Variants in CDH13 observed in about 807,000 individuals in gnomAD.
CDH13 encodes the protein cadherin-13.
Under a neutral mutation model 63.8 loss-of-function variants are expected in CDH13, and 24 were observed. That is an observed-to-expected ratio of 0.38 (90% CI 0.27 to 0.53). The LOEUF (loss-of-function observed/expected upper bound fraction) is 0.53, where lower values mean the gene tolerates loss of function less well. Ranked by LOEUF, CDH13 falls within the 20% of genes least tolerant of loss-of-function variation. CDH13 has a pLI of 0.85. For missense variants in CDH13, 1,049 were observed against 903.1 expected (o/e 1.16, Z -2.07); for synonymous variants, 503 against 355.3 (o/e 1.42, Z -4.67).
chr16:82,933,239 G>A (rs2042556013), intron 2 of CDH13, among the ~76,000 whole-genome samples: 1 of 152,150 alleles, frequency 6.6e-6, no homozygotes, highest in Non-Finnish European at 1.5e-5. Flanking sequence ...CCTCAGGAAA[G>A]TTACAGTATG....
At chr16:83,345,293 C>G (rs2090816690) in intron 6 of CDH13, among the ~76,000 whole-genome samples, 1 of 152,198 alleles carries the variant, frequency 6.6e-6, no homozygotes, top group African/African-American at 2.4e-5. Context: ...ATGTAAATAT[C>G]CAGCTTACCT....
At chr16:83,484,499 A>G (rs1411045594) in intron 6 of CDH13, among the ~76,000 whole-genome samples, 1 of 152,260 alleles carries the variant, frequency 6.6e-6, no homozygotes, top group African/African-American at 2.4e-5. Context: ...TGCTATTGTC[A>G]ATCATCAAAA....
chr16:83,092,185 A>G (rs72796301), intron 3 of CDH13, among the ~76,000 whole-genome samples: 7,546 of 152,304 alleles, frequency 0.05, 272 homozygotes, highest in Non-Finnish European at 0.072. Flanking sequence ...TTAGACTCAG[A>G]AAATTTCAAA....
intron 7 of CDH13, among the ~76,000 whole-genome samples, chr16:83,511,101 CATGCACGCATGCACACACATGCACAT>C (rs1332389263): frequency 3.8e-5 from 4 of 104,354 alleles, no homozygotes; most frequent in South Asian, 3.2e-4. Flanking sequence ...CACATGCACA[CATGCACGCATGCACACACATGCACAT>C]GTGCACACAT....
At chr16:83,459,876 G>T (rs1162320316) in intron 6 of CDH13, among the ~76,000 whole-genome samples, 1 of 152,194 alleles carries the variant, frequency 6.6e-6, no homozygotes, top group Non-Finnish European at 1.5e-5. Context: ...TGGTAGAAAA[G>T]AGGAATGCCC....
At chr16:82,731,829 C>T (rs1365615630) in intron 1 of CDH13, among the ~76,000 whole-genome samples, 1 of 152,184 alleles carries the variant, frequency 6.6e-6, no homozygotes, top group African/African-American at 2.4e-5. Context: ...ACATAATCAA[C>T]ATATATGTGC....
At chr16:83,588,933 A>AG (rs774635900) in intron 7 of CDH13, among the ~76,000 whole-genome samples, 13 of 152,064 alleles carry the variant, frequency 8.5e-5, no homozygotes, top group Non-Finnish European at 1.5e-4. Context: ...CTCAGCGGTC[A>AG]CCCCCCAGAG....
chr16:82,920,043 G>A (rs187135777), intron 2 of CDH13, among the ~76,000 whole-genome samples: 1 of 152,308 alleles, frequency 6.6e-6, no homozygotes, highest in Admixed American at 6.5e-5. Context: ...CAGGGCCTTT[G>A]CTACTGCAAG....
chr16:82,714,771 G>A (rs2151012450), intron 1 of CDH13, among the ~76,000 whole-genome samples: 1 of 136,176 alleles, frequency 7.3e-6, no homozygotes, highest in East Asian at 2.3e-4. Context: ...CTTGTGTGAT[G>A]ATGGAGGCAA....
intron 11 of CDH13, among the ~76,000 whole-genome samples, chr16:83,768,162 A>G (rs1351299840): frequency 7.2e-5 from 11 of 152,182 alleles, no homozygotes; most frequent in Admixed American, 7.2e-4. Context: ...ATTTTTCTCT[A>G]ATCATATGTA....
chr16:83,663,465 T>C (rs542170693), intron 8 of CDH13, among the ~76,000 whole-genome samples: 4 of 152,350 alleles, frequency 2.6e-5, no homozygotes, highest in South Asian at 2.1e-4. Flanking sequence ...GAAGAACTGG[T>C]TACTATTCTC....
At chr16:83,093,401 C>T (rs995137454) in intron 3 of CDH13, among the ~76,000 whole-genome samples, 2 of 147,532 alleles carry the variant, frequency 1.4e-5, no homozygotes, top group African/African-American at 2.5e-5. Context: ...TGACTGCAAC[C>T]TCCACCTCCC....
intron 8 of CDH13, among the ~76,000 whole-genome samples, chr16:83,659,536 C>G (rs1226729799): frequency 1.3e-5 from 2 of 152,258 alleles, no homozygotes; most frequent in East Asian, 3.8e-4. Context: ...CTTGGCTGTT[C>G]ATTAGAATCA....
intron 2 of CDH13, among the ~76,000 whole-genome samples, chr16:82,998,620 G>T (rs1408633204): frequency 6.6e-6 from 1 of 152,022 alleles, no homozygotes; most frequent in African/African-American, 2.4e-5. Flanking sequence ...TTCCAATTTA[G>T]ATCCTTCTCT....
intron 6 of CDH13, among the ~76,000 whole-genome samples, chr16:83,453,540 A>G (rs983292502): frequency 1.3e-5 from 2 of 152,170 alleles, no homozygotes; most frequent in Non-Finnish European, 2.9e-5. Context: ...TGCCTTAGTT[A>G]TTATAATTAT....
At chr16:82,861,237 C>A (rs1414168327) in intron 2 of CDH13, among the ~76,000 whole-genome samples, 2 of 152,228 alleles carry the variant, frequency 1.3e-5, no homozygotes, top group Non-Finnish European at 2.9e-5. Context: ...GTAGCATCAT[C>A]TTGTGCCCTA....
intron 5 of CDH13, among the ~76,000 whole-genome samples, chr16:83,286,943 C>T (rs1470725370): frequency 2.6e-5 from 4 of 151,920 alleles, no homozygotes; most frequent in African/African-American, 9.7e-5. Context: ...CCTGCCATGC[C>T]CGTGCTCCTA....
At chr16:83,293,115 T>A (rs1479052074) in intron 5 of CDH13, among the ~76,000 whole-genome samples, 2 of 152,230 alleles carry the variant, frequency 1.3e-5, no homozygotes, top group East Asian at 3.8e-4. Context: ...TATTTTGAAT[T>A]GCTCTTTCTA....
chr16:82,905,526 A>G (rs1230872285), intron 2 of CDH13, among the ~76,000 whole-genome samples: 1 of 152,086 alleles, frequency 6.6e-6, no homozygotes, highest in African/African-American at 2.4e-5. Context: ...AACTTCCTGA[A>G]CAAAAATATT....
Sources: gnomAD v4.1 joint callset for allele counts (sites outside exome capture counted in the v4.1 genomes callset) on GRCh38, gnomAD v4.1.1 for gene constraint, MANE v1.5 for transcripts, NCBI Gene and HGNC (gene_info 2026-07-23, HGNC 2026-07-21) for gene names.